Variants in DOCK9 observed in about 807,000 individuals in gnomAD.
DOCK9 encodes the protein dedicator of cytokinesis 9, also known as dedicator of cytokinesis protein 9.
Under a neutral mutation model 263.3 loss-of-function variants are expected in DOCK9, and 89 were observed. That is an observed-to-expected ratio of 0.34 (90% CI 0.28 to 0.40). DOCK9 has a LOEUF of 0.40. Among genes scored for constraint, DOCK9 ranks in the 10% least tolerant of loss-of-function variants. The pLI is 1.00. For synonymous variants in DOCK9, 976 were observed against 973.1 expected, an observed-to-expected ratio of 1.00 and a Z score of -0.06; for missense variants, 2,140 against 2,603.4, an observed-to-expected ratio of 0.82 and a Z score of 3.87.
At chr13:99,020,235 T>C (rs1190342847) in intron 1 of DOCK9, among the ~76,000 whole-genome samples, 1 of 152,226 alleles carries the variant, frequency 6.6e-6, no homozygotes, top group African/African-American at 2.4e-5. Context: ...TAAGTACCTA[T>C]TGTCTTATAC....
chr13:98,921,787 G>A (rs1432797257), intron 6 of DOCK9, among the ~76,000 whole-genome samples: 1 of 152,200 alleles, frequency 6.6e-6, no homozygotes, highest in Non-Finnish European at 1.5e-5. Context: ...AGTTATTACA[G>A]AGAAGAAAGC....
At chr13:98,814,934 T>A (rs2091679969) in intron 45 of DOCK9, among the ~76,000 whole-genome samples, 1 of 110,696 alleles carries the variant, frequency 9.0e-6, no homozygotes, top group African/African-American at 3.5e-5. Flanking sequence ...AGATTCTGTC[T>A]CAAAATAAAA....
chr13:98,825,954 AATGC>A lies in DOCK9; in HGVS notation c.5023+872_5023+875del, dbSNP rs2140787442. On this transcript the variant is annotated intron_variant, in intron 44 of 52. Transcript: ENST00000682017. This position sits in a 1 kb window ranked among gnomAD's most constrained non-coding sequence, Gnocchi z 4.1. Reference sequence around the variant, plus strand: ...ACTGGACTGCTTCTAAACATGAGGAAATGCATCACCTGATAAAAGGTCTCAACAG... The same window carrying A: ...ACTGGACTGCTTCTAAACATGAGGAAATCACCTGATAAAAGGTCTCAACAG... 6.5e-7 allele frequency: 1 copy of A among 1,528,050 alleles called. No individual in the cohort carries two copies. Among genetic ancestry groups the A allele is most frequent in the African/African-American group, 1.4e-5 (1 of 72,072 alleles). The allele number at this position is 1,528,050 out of a possible 1,614,324, so 94.7% of individuals were successfully genotyped here.
At chr13:98,839,438 C>T (rs911839413) in intron 38 of DOCK9, among the ~76,000 whole-genome samples, 5 of 152,214 alleles carry the variant, frequency 3.3e-5, no homozygotes, top group African/African-American at 1.2e-4. Flanking sequence ...AAAGTGATCA[C>T]ATACTGTGGT....
At chr13:98,803,160 C>G (rs573219604) in intron 49 of DOCK9, among the ~76,000 whole-genome samples, 1 of 152,262 alleles carries the variant, frequency 6.6e-6, no homozygotes, top group South Asian at 2.1e-4. Flanking sequence ...GCCAACAACA[C>G]AGGTGTCTGC....
At chr13:99,038,296 T>TCGC (rs1566338476) in intron 1 of DOCK9, among the ~76,000 whole-genome samples, 1,450 of 109,112 alleles carry the variant, frequency 0.013, 112 homozygotes, top group South Asian at 0.049. Context: ...CCCTTTTTTT[T>TCGC]TTTTTTTTTT....
exon 1 of DOCK9, chr13:99,086,296 G>A: frequency 1.3e-6 from 2 of 1,491,124 alleles, no homozygotes; most frequent in South Asian, 2.5e-5. Flanking sequence ...CTTACTCAGC[G>A]CCCGGGTGAA....
intron 1 of DOCK9, among the ~76,000 whole-genome samples, chr13:99,023,586 G>A (rs1030357578): frequency 2.6e-5 from 4 of 152,202 alleles, no homozygotes; most frequent in South Asian, 4.1e-4. Flanking sequence ...TGAATGTACC[G>A]AGTATCACTG....
chr13:98,839,924 A>G (rs926399683), intron 38 of DOCK9, among the ~76,000 whole-genome samples: 1 of 152,250 alleles, frequency 6.6e-6, no homozygotes, highest in African/African-American at 2.4e-5. Context: ...GTCATACAGG[A>G]ATCTAAAAGA....
chr13:98,946,037 G>A (rs944549821), intron 2 of DOCK9, among the ~76,000 whole-genome samples: 5 of 152,164 alleles, frequency 3.3e-5, no homozygotes, highest in African/African-American at 7.2e-5. Flanking sequence ...CAAGCCTCGC[G>A]GGGGAGACAG....
chr13:98,937,587 C>A (rs771534952), intron 2 of DOCK9, among the ~76,000 whole-genome samples: 4 of 151,982 alleles, frequency 2.6e-5, no homozygotes, highest in Non-Finnish European at 5.9e-5. Flanking sequence ...GGAAGTTCCA[C>A]AAAATCACAG....
intron 49 of DOCK9, 38 bp from the exon 50 acceptor site, chr13:98,800,516 C>G (rs1451034479): frequency 6.3e-7 from 1 of 1,599,130 alleles, no homozygotes; most frequent in Admixed American, 1.7e-5. Flanking sequence ...GCATGGCTTG[C>G]ACGAGCTTTA....
intron 39 of DOCK9, among the ~76,000 whole-genome samples, chr13:98,835,083 A>G (rs1472404821): frequency 2.0e-5 from 3 of 152,228 alleles, no homozygotes; most frequent in Non-Finnish European, 4.4e-5. Context: ...AAGGCACTCA[A>G]TACATAGCAG....
intron 1 of DOCK9, among the ~76,000 whole-genome samples, chr13:98,963,037 G>C (rs577586987): frequency 6.6e-6 from 1 of 152,316 alleles, no homozygotes; most frequent in East Asian, 1.9e-4. Flanking sequence ...AGTGGGTGGG[G>C]AGAAAGAGCT....
intron 35 of DOCK9, 93 bp from the exon 36 acceptor site, chr13:98,850,206 T>C (rs766168330): frequency 6.5e-6 from 6 of 923,962 alleles, no homozygotes; most frequent in Admixed American, 3.2e-5. Context: ...CCTTGGAGTG[T>C]AGGCCTCTAA....
At chr13:98,845,016 A>G (rs1429223730) in intron 38 of DOCK9, among the ~76,000 whole-genome samples, 4 of 152,196 alleles carry the variant, frequency 2.6e-5, no homozygotes, top group Non-Finnish European at 5.9e-5. Flanking sequence ...AGAGAACACA[A>G]TGCTAGCAGA....
At chr13:99,009,195 C>T (rs1354895656) in intron 1 of DOCK9, among the ~76,000 whole-genome samples, 2 of 152,228 alleles carry the variant, frequency 1.3e-5, no homozygotes, top group Non-Finnish European at 2.9e-5. Context: ...GGCCCTCTCT[C>T]GTGCTCACAC....
chr13:98,808,707 A>C (rs1272017095), intron 47 of DOCK9: 1 of 1,444,600 alleles, frequency 6.9e-7, no homozygotes, highest in South Asian at 1.2e-5. Context: ...TAACAGAATA[A>C]ATTGAAGGTT....
At chr13:98,990,317 C>T (rs193141996) in intron 1 of DOCK9, among the ~76,000 whole-genome samples, 2 of 152,210 alleles carry the variant, frequency 1.3e-5, no homozygotes, top group African/African-American at 4.8e-5. Flanking sequence ...TATTATTTTC[C>T]TTTTAAACAG....
Sources: allele counts gnomAD v4.1 joint callset (sites outside exome capture counted in the v4.1 genomes callset), GRCh38; gene constraint gnomAD v4.1.1; non-coding constraint Gnocchi (gnomAD v3.1); transcripts MANE v1.5; gene names NCBI Gene and HGNC (gene_info 2026-07-23, HGNC 2026-07-21).